The following DOCK1 variants were observed in gnomAD, a reference collection of about 807,000 sequenced individuals.
The protein encoded by DOCK1 is dedicator of cytokinesis 1, also known as dedicator of cytokinesis protein 1.
A neutral mutation model predicts 262.7 loss-of-function variants in DOCK1; 138 were observed. That is an observed-to-expected ratio of 0.53 (90% CI 0.46 to 0.61). DOCK1 has a LOEUF of 0.61. Ranked by LOEUF, DOCK1 falls within the 20% of genes least tolerant of loss-of-function variation. The probability of loss-of-function intolerance (pLI) is 0.00; values close to 1 mark genes in which losing one functional copy is unlikely to be tolerated. For synonymous variants in DOCK1, 866 were observed against 867.4 expected (o/e 1.00, Z 0.03); for missense variants, 1,908 against 2,370.7 (o/e 0.80, Z 4.05).
intron 31 of DOCK1, among the ~76,000 whole-genome samples, chr10:127,346,546 T>G (rs559883608): frequency 1.0e-3 from 156 of 152,180 alleles, no homozygotes; most frequent in African/African-American, 3.3e-3. Context: ...CAGTGAGCCA[T>G]GATCACACGA....
chr10:127,235,442 T>A (rs1002530754), intron 27 of DOCK1, among the ~76,000 whole-genome samples: 1 of 152,208 alleles, frequency 6.6e-6, no homozygotes, highest in Non-Finnish European at 1.5e-5. Flanking sequence ...GGAGATTCAC[T>A]CATGTTTATT....
intron 1 of DOCK1, among the ~76,000 whole-genome samples, chr10:126,921,013 A>T (rs1170699397): frequency 6.6e-6 from 1 of 152,146 alleles, no homozygotes; most frequent in Non-Finnish European, 1.5e-5. Flanking sequence ...CCTGGGCAAC[A>T]TGGTGAAACC....
chr10:127,053,009 C>T (rs2044850116), intron 22 of DOCK1, among the ~76,000 whole-genome samples, 194 bp downstream of exon 22: 1 of 152,178 alleles, frequency 6.6e-6, no homozygotes, highest in African/African-American at 2.4e-5. Flanking sequence ...GCCTGGGTCC[C>T]TGCCGGTGCT....
chr10:127,357,871 C>T (rs757786637), intron 32 of DOCK1, among the ~76,000 whole-genome samples: 9 of 152,172 alleles, frequency 5.9e-5, no homozygotes, highest in African/African-American at 9.7e-5. Context: ...GATAGCACCA[C>T]GGGGTGGCCT....
At chr10:127,364,441 A>T (rs547531943) in intron 33 of DOCK1, among the ~76,000 whole-genome samples, 2 of 152,146 alleles carry the variant, frequency 1.3e-5, no homozygotes, top group Non-Finnish European at 2.9e-5. Context: ...ATCTCAGCTC[A>T]CTACAGCCTC....
intron 1 of DOCK1, among the ~76,000 whole-genome samples, chr10:126,930,679 C>T (rs899305278): frequency 7.4e-4 from 112 of 152,208 alleles, no homozygotes; most frequent in Non-Finnish European, 1.4e-3. Flanking sequence ...TCACTGGCCT[C>T]GTGCACAGGA....
At chr10:127,362,873 A>ACATACT (rs2064593668) in intron 33 of DOCK1, among the ~76,000 whole-genome samples, 1 of 144,010 alleles carries the variant, frequency 6.9e-6, no homozygotes, top group Non-Finnish European at 1.5e-5. Context: ...CCACACACAC[A>ACATACT]CATACACATC....
chr10:127,251,214 G>A (rs1017136917), intron 28 of DOCK1, among the ~76,000 whole-genome samples: 10 of 151,600 alleles, frequency 6.6e-5, no homozygotes, highest in East Asian at 1.9e-4. Flanking sequence ...TGATCCTCCC[G>A]CCTCGGCCTC....
chr10:127,301,645 A>G (rs995175239), intron 29 of DOCK1, among the ~76,000 whole-genome samples: 4 of 152,140 alleles, frequency 2.6e-5, no homozygotes, highest in Non-Finnish European at 4.4e-5. Context: ...AGATCCCTGG[A>G]CATAAAATGC....
intron 11 of DOCK1, among the ~76,000 whole-genome samples, chr10:127,011,602 T>G (rs1007313759): frequency 7.9e-5 from 12 of 152,346 alleles, no homozygotes; most frequent in African/African-American, 2.9e-4. Flanking sequence ...CACAGGCTCC[T>G]GGTTCATGGG....
At chr10:127,085,683 A>C (rs1344924335) in intron 23 of DOCK1, among the ~76,000 whole-genome samples, 1 of 152,008 alleles carries the variant, frequency 6.6e-6, no homozygotes, top group African/African-American at 2.4e-5. Context: ...GCTTGAACCC[A>C]GGAGGCGGAG....
intron 47 of DOCK1, among the ~76,000 whole-genome samples, chr10:127,431,262 A>G (rs2069265305): frequency 6.6e-6 from 1 of 152,224 alleles, no homozygotes; most frequent in Non-Finnish European, 1.5e-5. Context: ...CAGATGAAAC[A>G]AAAGTAAAGC....
At chr10:127,004,784 C>CCCCCCCAAAAAA (rs1554970531) in intron 10 of DOCK1, among the ~76,000 whole-genome samples, 1 of 98,418 alleles carries the variant, frequency 1.0e-5, no homozygotes, top group Non-Finnish European at 2.2e-5. Flanking sequence ...CCCCCCGCCC[C>CCCCCCCAAAAAA]AAAAAAAAGA....
intron 1 of DOCK1, among the ~76,000 whole-genome samples, chr10:126,908,280 G>GT (rs1217782811): frequency 6.6e-6 from 1 of 152,210 alleles, no homozygotes; most frequent in African/African-American, 2.4e-5. Flanking sequence ...TTTATTGCCA[G>GT]TAGGTGATTG....
intron 27 of DOCK1, among the ~76,000 whole-genome samples, chr10:127,222,521 C>T (rs889115381): frequency 1.3e-5 from 2 of 152,108 alleles, no homozygotes; most frequent in East Asian, 1.9e-4. Context: ...GTCATGTTAA[C>T]GTGGTAACAT....
rs1357513074 is a variant in DOCK1, at chr10:127,295,037, C to T, written c.3044+37608C>T. Among the ~76,000 whole-genome samples the T allele has an allele frequency of 2.0e-5, 3 of 152,240 alleles. No individual in the cohort carries two copies. In the East Asian group the frequency reaches 5.8e-4, roughly 29 times the overall value. ...CTTTGGGAGGCCTAGGTGGGAGGAT[C>T]ACTTGATGCCAGGAATTTAAGTTTT... On this transcript the variant is annotated intron_variant, in intron 29 of 51. Transcript: ENST00000623213.
chr10:127,203,471 G>A (rs2057564387), intron 27 of DOCK1, among the ~76,000 whole-genome samples: 1 of 152,108 alleles, frequency 6.6e-6, no homozygotes. Flanking sequence ...TTATTTCGCA[G>A]CGTGGCTCAT....
chr10:126,934,305 C>T (rs955561033), intron 1 of DOCK1, among the ~76,000 whole-genome samples: 5 of 152,156 alleles, frequency 3.3e-5, no homozygotes, highest in Admixed American at 6.5e-5. Flanking sequence ...AAAGGGGCAC[C>T]GTTGATGTTG....
At chr10:126,941,787 A>ACAAAACAAAACAAAG (rs2035030127) in intron 1 of DOCK1, among the ~76,000 whole-genome samples, 1 of 151,276 alleles carries the variant, frequency 6.6e-6, no homozygotes, top group Non-Finnish European at 1.5e-5. Context: ...ACAAAACAAA[A>ACAAAACAAAACAAAG]AAAACAGCAT....
Sources: allele counts gnomAD v4.1 joint callset (sites outside exome capture counted in the v4.1 genomes callset), GRCh38; gene constraint gnomAD v4.1.1; transcripts MANE v1.5; gene names NCBI Gene and HGNC (gene_info 2026-07-23, HGNC 2026-07-21).